ANK2: variants seen among roughly 807,000 people sequenced by gnomAD.
ANK2 encodes ankyrin 2, also known as ankyrin-2.
A neutral mutation model predicts 360.5 loss-of-function variants in ANK2; 83 were observed. That is an observed-to-expected ratio of 0.23 (90% confidence interval 0.19 to 0.28). The LOEUF is 0.28. Among genes scored for constraint, ANK2 ranks in the 10% least tolerant of loss-of-function variants. ANK2 has a pLI of 1.00. For missense variants in ANK2, 4,201 were observed against 4,795.7 expected (o/e 0.88, Z 3.66); for synonymous variants, 1,740 against 1,759.5 (o/e 0.99, Z 0.28).
At chr4:113,335,772 G>GA in intron 29 of ANK2, 74 bp from the exon 30 acceptor site, 7 of 1,446,606 alleles carry the variant, frequency 4.8e-6, no homozygotes, top group Non-Finnish European at 5.8e-6. Flanking sequence ...TTAACCGAGC[G>GA]AATGAGTTGG....
intron 2 of ANK2, among the ~76,000 whole-genome samples, chr4:112,914,086 G>C (rs1050781777): frequency 6.6e-6 from 1 of 152,034 alleles, no homozygotes; most frequent in Admixed American, 6.6e-5. Context: ...GGAAACTGGG[G>C]CTTCTGTAAC....
At chr4:113,331,029 C>G (rs1660256368) in intron 27 of ANK2, among the ~76,000 whole-genome samples, 1 of 152,080 alleles carries the variant, frequency 6.6e-6, no homozygotes. Flanking sequence ...AGACTAGCTT[C>G]CACCGTGCTC....
intron 1 of ANK2, among the ~76,000 whole-genome samples, chr4:113,115,600 T>C (rs2094686044): frequency 6.6e-6 from 1 of 152,158 alleles, no homozygotes; most frequent in Non-Finnish European, 1.5e-5. Flanking sequence ...TGCTTTCAAC[T>C]CAGTTTAGGT....
At chr4:113,249,272 T>C (rs928026822) in intron 9 of ANK2, among the ~76,000 whole-genome samples, 1 of 152,206 alleles carries the variant, frequency 6.6e-6, no homozygotes, top group Non-Finnish European at 1.5e-5. Context: ...ATGAAAGTGA[T>C]GACAATTCAA....
Position 113,365,189 on chromosome 4 carries a change from C to T in ANK2, c.11032+7C>T. 1 of 1,562,338 alleles carries T rather than the reference C, an allele frequency of 6.4e-7. No homozygotes were observed. Among genetic ancestry groups the T allele is most frequent in the South Asian group, 1.1e-5 (1 of 88,612 alleles). ...ACACTGGATCATAGTGAAGGTCAAA[C>T]TGTGTGTGTGTATGTGTGTGTGTGT... On this transcript the variant is annotated splice_region_variant and intron_variant, in intron 41 of 45. Coordinates refer to ENST00000357077, the MANE Select transcript of ANK2 (RefSeq NM_001148.6).
At chr4:113,149,874 C>CA (rs34667216) in intron 1 of ANK2, among the ~76,000 whole-genome samples, 2,418 of 31,366 alleles carry the variant, frequency 0.077, 588 homozygotes, top group Middle Eastern at 0.13. Flanking sequence ...GACCCTGCCT[C>CA]AAAAAAAAAA....
chr4:113,151,090 C>T (rs1218133788), intron 1 of ANK2: 11 of 1,288,524 alleles, frequency 8.5e-6, no homozygotes, highest in South Asian at 6.2e-5. Context: ...GTGACATGCC[C>T]CCAGATGAAA....
At chr4:112,785,252 C>T in the ANK2 span, among the ~76,000 whole-genome samples, 1 of 152,154 alleles carries the variant, frequency 6.6e-6, no homozygotes, top group Non-Finnish European at 1.5e-5. Context: ...TCCCCTTGAT[C>T]CTTAATATGT....
At chr4:113,310,985 AAAC>A (rs1396653830) in intron 23 of ANK2, among the ~76,000 whole-genome samples, 1 of 152,240 alleles carries the variant, frequency 6.6e-6, no homozygotes, top group Non-Finnish European at 1.5e-5. Flanking sequence ...TCCTAGAAGT[AAAC>A]AACAAGGGAT....
intron 9 of ANK2, among the ~76,000 whole-genome samples, chr4:113,246,362 T>C (rs2042875507): frequency 6.6e-6 from 1 of 152,194 alleles, no homozygotes; most frequent in Non-Finnish European, 1.5e-5. Context: ...TTGGCAATCA[T>C]TGAGGCATTT....
chr4:113,266,905 C>T (rs183436083), intron 14 of ANK2, among the ~76,000 whole-genome samples: 156 of 152,208 alleles, frequency 1.0e-3, no homozygotes, highest in African/African-American at 3.5e-3. Flanking sequence ...ATATCCTCTC[C>T]AGCATCTGTT....
At position 113,196,410 on chromosome 4, in the gene ANK2, G is replaced by A. The variant is rs776254819; in HGVS notation, c.229G>A (p.Val77Met). Residue 77 changes from valine (V) to methionine (M), a missense_variant, in exon 3 of 46, where the codon GTG becomes ATG. Val to Met is a conservative substitution (Grantham distance 21, BLOSUM62 1). Around this residue, in one of 4 missense-constraint regions of ANK2, gnomAD observed 169 missense variants for 191.1 expected, o/e 0.88. Coordinates refer to ENST00000357077, the MANE Select transcript of ANK2 (RefSeq NM_001148.6). ...ALHLAAKEGH[V>M]GLVQELLGRG... ...CCATCTGGCTGCCAAGGAAGGCCAC[G>A]TGGGGCTGGTGCAGGAGCTGCTGGG... 39 of 1,613,848 alleles carry A rather than the reference G, an allele frequency of 2.4e-5. No homozygotes were observed. The highest frequency in any genetic ancestry group is 3.3e-5 in the Non-Finnish European group (39 of 1,179,980).
intron 2 of ANK2, among the ~76,000 whole-genome samples, chr4:113,032,440 C>T (rs2060616175): frequency 6.6e-6 from 1 of 152,020 alleles, no homozygotes; most frequent in Non-Finnish European, 1.5e-5. Context: ...GTTCTTCATT[C>T]CCATCTTCAC....
intron 2 of ANK2, among the ~76,000 whole-genome samples, chr4:113,000,972 A>G (rs1378259343): frequency 6.6e-6 from 1 of 152,196 alleles, no homozygotes; most frequent in Admixed American, 6.5e-5. Context: ...GAGATAGTAG[A>G]TATCAGATGC....
At chr4:113,295,181 A>G (rs978193882) in intron 22 of ANK2, among the ~76,000 whole-genome samples, 1 of 152,176 alleles carries the variant, frequency 6.6e-6, no homozygotes, top group Non-Finnish European at 1.5e-5. Flanking sequence ...TTTATTGGAT[A>G]TAAAATATGT....
chr4:112,790,998 G>T, the ANK2 span, among the ~76,000 whole-genome samples: 2 of 152,168 alleles, frequency 1.3e-5, no homozygotes, highest in Admixed American at 1.3e-4. Flanking sequence ...GTGCTCAAAG[G>T]ATATGGGAAG....
At chr4:113,092,491 A>C (rs927346892) in intron 1 of ANK2, among the ~76,000 whole-genome samples, 9 of 152,188 alleles carry the variant, frequency 5.9e-5, no homozygotes, top group African/African-American at 1.9e-4. Context: ...TATTTACATC[A>C]ACAGATTATT....
chr4:112,861,868 A>AGAGAGAGAGAGAG (rs201880535), intron 1 of ANK2, among the ~76,000 whole-genome samples: 9 of 151,542 alleles, frequency 5.9e-5, no homozygotes, highest in South Asian at 4.2e-4. Flanking sequence ...AGAGAGAGAG[A>AGAGAGAGAGAGAG]AACTCTCACA....
At chr4:112,930,580 A>ATG (rs1418827557) in intron 2 of ANK2, among the ~76,000 whole-genome samples, 1 of 152,226 alleles carries the variant, frequency 6.6e-6, no homozygotes, top group East Asian at 1.9e-4. Context: ...TAAAAAAAAA[A>ATG]TGTAGGAGTA....
Sources: gnomAD v4.1 joint callset for allele counts (sites outside exome capture counted in the v4.1 genomes callset) on GRCh38, gnomAD v4.1.1 for gene constraint, gnomAD v4.1.1 regional missense constraint, MANE v1.5 for transcripts, NCBI Gene and HGNC (gene_info 2026-07-23, HGNC 2026-07-21) for gene names.